TRIM51G: variants seen among roughly 807,000 people sequenced by gnomAD.
TRIM51G encodes tripartite motif-containing protein 51G.
At chr11:48,979,291 CT>C in the TRIM51G span, among the ~76,000 whole-genome samples, 1 of 152,110 alleles carries the variant, frequency 6.6e-6, no homozygotes. Context: ...GTTATATTTA[CT>C]TGATTAATGA....
At chr11:48,982,665 C>G in the TRIM51G span, among the ~76,000 whole-genome samples, 1 of 151,836 alleles carries the variant, frequency 6.6e-6, no homozygotes, top group Non-Finnish European at 1.5e-5. Context: ...AGCTTAATGA[C>G]AGCCTGTGTT....
chr11:48,979,558 T>C, the TRIM51G span, among the ~76,000 whole-genome samples: 6 of 152,100 alleles, frequency 3.9e-5, no homozygotes, highest in Non-Finnish European at 5.9e-5. Flanking sequence ...AAAGGTTTCA[T>C]TTATTCTCTT....
chr11:48,975,804 C>A, the TRIM51G span: 1 of 1,509,856 alleles, frequency 6.6e-7, no homozygotes, highest in South Asian at 1.1e-5. Flanking sequence ...AAGCCCAATT[C>A]CAAGAGTGCC....
the TRIM51G span, chr11:48,981,621 T>A: frequency 5.0e-5 from 80 of 1,600,322 alleles, no homozygotes; most frequent in Non-Finnish European, 5.6e-5. Flanking sequence ...CTATGGTGAC[T>A]GGGTCTATGA....
the TRIM51G span, among the ~76,000 whole-genome samples, chr11:48,976,313 A>T: frequency 6.6e-6 from 1 of 152,142 alleles, no homozygotes; most frequent in South Asian, 2.1e-4. Context: ...CCCTTTAGCT[A>T]TCAAGGTAAT....
the TRIM51G span, chr11:48,980,879 G>T: frequency 2.1e-6 from 1 of 474,150 alleles, no homozygotes. Flanking sequence ...TAAGTTCCTG[G>T]AGAAGGTAGA....
At chr11:48,979,005 T>G in the TRIM51G span, 3 of 1,346,238 alleles carry the variant, frequency 2.2e-6, no homozygotes. Flanking sequence ...GCCCTCCTTT[T>G]GCAGCCTCTC....
chr11:48,981,767 T>C, the TRIM51G span: 3 of 1,451,888 alleles, frequency 2.1e-6, no homozygotes, highest in Non-Finnish European at 2.9e-6. Context: ...CATATCACCA[T>C]ATGTGATAGC....
At chr11:48,981,265 T>A in the TRIM51G span, 1 of 1,602,604 alleles carries the variant, frequency 6.2e-7, no homozygotes, top group Non-Finnish European at 8.5e-7. Context: ...TAGAAATAGA[T>A]CTTCAGAGGC....
the TRIM51G span, among the ~76,000 whole-genome samples, chr11:48,976,232 A>AG: frequency 6.6e-6 from 1 of 152,182 alleles, no homozygotes; most frequent in Non-Finnish European, 1.5e-5. Context: ...AAAAACTGAG[A>AG]GTCGAATAAA....
At chr11:48,982,152 A>G in the TRIM51G span, among the ~76,000 whole-genome samples, 1 of 152,100 alleles carries the variant, frequency 6.6e-6, no homozygotes, top group Non-Finnish European at 1.5e-5. Context: ...AAAGGGACCC[A>G]GAAGCCGGCT....
chr11:48,977,071 G>T, the TRIM51G span: 1 of 933,184 alleles, frequency 1.1e-6, no homozygotes, highest in Non-Finnish European at 1.8e-6. Flanking sequence ...TTTTGCCAAT[G>T]GGCTGACACT....
the TRIM51G span, among the ~76,000 whole-genome samples, chr11:48,977,780 T>C: frequency 6.6e-6 from 1 of 152,162 alleles, no homozygotes. Context: ...AGCCATGTAG[T>C]AAATGCAATA....
chr11:48,983,292 G>C, the TRIM51G span, among the ~76,000 whole-genome samples: 1 of 144,728 alleles, frequency 6.9e-6, no homozygotes, highest in Non-Finnish European at 1.5e-5. Context: ...TTCTAAGCTA[G>C]GGCATTTTGG....
the TRIM51G span, chr11:48,981,616 G>A: frequency 6.6e-5 from 106 of 1,600,534 alleles, no homozygotes; most frequent in East Asian, 2.4e-3. Context: ...ACAGTCTATG[G>A]TGACTGGGTC....
At chr11:48,978,482 CATA>C in the TRIM51G span, among the ~76,000 whole-genome samples, 1 of 152,114 alleles carries the variant, frequency 6.6e-6, no homozygotes, top group Non-Finnish European at 1.5e-5. Flanking sequence ...TGGACCCCAA[CATA>C]ATATTAGTGT....
the TRIM51G span, among the ~76,000 whole-genome samples, chr11:48,983,839 C>T: frequency 6.6e-6 from 1 of 152,028 alleles, no homozygotes; most frequent in Non-Finnish European, 1.5e-5. Flanking sequence ...AGTTGACTTT[C>T]CAAGGTCACC....
chr11:48,975,798 C>G, the TRIM51G span: 2 of 1,549,358 alleles, frequency 1.3e-6, no homozygotes, highest in African/African-American at 2.7e-5. Flanking sequence ...CACCAAAAGC[C>G]CAATTCCAAG....
At chr11:48,979,314 C>A in the TRIM51G span, among the ~76,000 whole-genome samples, 18 of 152,054 alleles carry the variant, frequency 1.2e-4, no homozygotes, top group African/African-American at 4.3e-4. Context: ...AAAATGTTTT[C>A]TAAGATAGTT....
Sources: gnomAD v4.1 joint callset for allele counts (sites outside exome capture counted in the v4.1 genomes callset) on GRCh38, gnomAD v4.1.1 for gene constraint, MANE v1.5 for transcripts, NCBI Gene and HGNC (gene_info 2026-07-23, HGNC 2026-07-21) for gene names.